CD8B2: variants seen among roughly 807,000 people sequenced by gnomAD.
CD8B2 encodes T-cell surface glycoprotein CD8 beta-2 chain.
A neutral mutation model predicts 23.7 loss-of-function variants in CD8B2; 11 were observed. The observed-to-expected ratio is 0.46, with a 90% confidence interval of 0.29 to 0.77. The LOEUF (loss-of-function observed/expected upper bound fraction) is 0.77, where lower values mean the gene tolerates loss of function less well. Among genes scored for constraint, CD8B2 ranks in the 30% least tolerant of loss-of-function variants. The pLI, the probability that CD8B2 is intolerant of heterozygous loss-of-function variation, is 0.09. For synonymous variants in CD8B2, 90 were observed against 109.3 expected (o/e 0.82, Z 1.10); for missense variants, 197 against 270.5 (o/e 0.73, Z 1.91).
chr2:106,490,562 T>C (rs1414207143), intron 1 of CD8B2, among the ~76,000 whole-genome samples: 2 of 152,190 alleles, frequency 1.3e-5, no homozygotes, highest in African/African-American at 4.8e-5. Flanking sequence ...AAAGCCAGTT[T>C]GAGGCTTGAT....
chr2:106,504,435 G>T, intron 5 of CD8B2, 110 bp downstream of exon 5: 1 of 1,539,540 alleles, frequency 6.5e-7, no homozygotes, highest in Non-Finnish European at 8.8e-7. Flanking sequence ...AAAGATCATA[G>T]ACTCGGCCGG....
intron 2 of CD8B2, among the ~76,000 whole-genome samples, chr2:106,494,313 A>G (rs1679255609): frequency 6.6e-6 from 1 of 151,720 alleles, no homozygotes; most frequent in African/African-American, 2.4e-5. Context: ...ACGCCCAACT[A>G]ATTTTTGTAT....
At chr2:106,536,088 G>A (rs1680084689) in intron 5 of CD8B2, among the ~76,000 whole-genome samples, 1 of 149,236 alleles carries the variant, frequency 6.7e-6, no homozygotes, top group South Asian at 2.1e-4. Flanking sequence ...AGGCTGGAGT[G>A]CAAGGGTGCA....
At chr2:106,489,981 A>T (rs1198522624) in intron 1 of CD8B2, among the ~76,000 whole-genome samples, 1 of 151,816 alleles carries the variant, frequency 6.6e-6, no homozygotes, top group Admixed American at 6.6e-5. Context: ...TTCTCGTCAG[A>T]GTCTAAGATG....
rs550024759 is a variant in CD8B2, at chr2:106,540,606, C to T, written c.621-3386C>T. Among the ~76,000 whole-genome samples, 7 of 152,126 alleles carry T rather than the reference C, an allele frequency of 4.6e-5. No individual in the cohort carries two copies. In the East Asian group the frequency reaches 1.4e-3, roughly 29 times the overall value. Reference sequence around the variant, plus strand: ...TTGAGATGGAGTCTTGTTCTGTCACCCAGGCTAGAGTGCAGTGACGCAATC... The same window carrying T: ...TTGAGATGGAGTCTTGTTCTGTCACTCAGGCTAGAGTGCAGTGACGCAATC... On this transcript the variant is annotated intron_variant, in intron 5 of 5. Coordinates refer to the CD8B2 transcript ENST00000416057.
Position 106,491,141 on chromosome 2 carries a change from C to A in CD8B2, c.311C>A (p.Thr104Lys). The change falls in exon 2 of 6, where the codon ACA (threonine) becomes AAA (lysine). Residue 104 changes from threonine to lysine, a missense_variant. Transcript: ENST00000643224. The stretch of plus-strand genomic sequence containing the variant: ...GCAAGCCGGTTCATTCTCAATCTCA[C>A]AAGCGTGAAGCCGGAGGACAGTGGC... ...RDASRFILNL[T>K]SVKPEDSGIY... is the part of the protein sequence containing the mutation. 1.2e-6 allele frequency: 2 copies of A among 1,613,772 alleles called. No individual in the cohort carries two copies. Among genetic ancestry groups the A allele is most frequent in the Non-Finnish European group, 1.7e-6 (2 of 1,179,780 alleles).
At chr2:106,533,102 A>C (rs1358978943) in intron 5 of CD8B2, among the ~76,000 whole-genome samples, 1 of 152,212 alleles carries the variant, frequency 6.6e-6, no homozygotes, top group Non-Finnish European at 1.5e-5. Context: ...TTGTTCTCCA[A>C]GATGTGAAGC....
rs1679568561 is a variant in CD8B2, at chr2:106,508,949, G to T, written c.*2009G>T. ...CTTAGATGCCCTGCCCCCAGACCCA[G>T]GTGTTTTCCGTTTGCTCCAGCTTTG... On this transcript the variant is annotated 3_prime_UTR_variant, in exon 6 of 6. Transcript: ENST00000643224. The T allele has an allele frequency of 1.0e-5, 1 of 95,764 alleles. No individual in the cohort carries two copies. The highest frequency in any genetic ancestry group is 1.1e-4 in the Admixed American group (1 of 8,830). 5.9% of individuals were successfully genotyped at this position (95,764 alleles called of 1,614,324 possible).
intron 1 of CD8B2, among the ~76,000 whole-genome samples, chr2:106,488,561 T>G (rs1679127497): frequency 6.6e-6 from 1 of 152,160 alleles, no homozygotes; most frequent in Admixed American, 6.5e-5. Flanking sequence ...CCTGTGTACT[T>G]GCAGCCCCAC....
chr2:106,514,571 G>A (rs1180602716), downstream of CD8B2, among the ~76,000 whole-genome samples: 1 of 151,774 alleles, frequency 6.6e-6, no homozygotes, highest in Non-Finnish European at 1.5e-5. Context: ...TCAGGCGTGA[G>A]CCACTGTGCC....
At chr2:106,531,651 G>T (rs1239493423) in intron 5 of CD8B2, among the ~76,000 whole-genome samples, 1 of 152,162 alleles carries the variant, frequency 6.6e-6, no homozygotes, top group Non-Finnish European at 1.5e-5. Context: ...GATTGCCCCA[G>T]CTACTTTCCC....
intron 1 of CD8B2, among the ~76,000 whole-genome samples, chr2:106,488,764 C>A (rs1679131903): frequency 6.6e-6 from 1 of 152,238 alleles, no homozygotes; most frequent in East Asian, 1.9e-4. Flanking sequence ...CAGTATCTCC[C>A]CCACAGGATT....
chr2:106,532,565 T>G (rs1680004736), intron 5 of CD8B2, among the ~76,000 whole-genome samples: 2 of 152,344 alleles, frequency 1.3e-5, no homozygotes, highest in South Asian at 2.1e-4. Context: ...TTGCCCATTT[T>G]TATGGTTATT....
chr2:106,518,393 G>A (rs1297699169), intron 5 of CD8B2, among the ~76,000 whole-genome samples: 2 of 152,098 alleles, frequency 1.3e-5, no homozygotes, highest in African/African-American at 4.8e-5. Context: ...AGGAGCAATA[G>A]CTCAGCAATA....
At chr2:106,495,906 C>T (rs1679290296) in intron 2 of CD8B2, among the ~76,000 whole-genome samples, 1 of 152,138 alleles carries the variant, frequency 6.6e-6, no homozygotes, top group South Asian at 2.1e-4. Context: ...TCAGGTGATC[C>T]TCTCACCTCA....
chr2:106,505,344 G>A (rs1010968906), intron 5 of CD8B2, among the ~76,000 whole-genome samples: 5 of 152,144 alleles, frequency 3.3e-5, no homozygotes, highest in Non-Finnish European at 7.3e-5. Flanking sequence ...CCAGCTTTAG[G>A]TGGAGACAGG....
rs1398742373 is a variant in CD8B2, at chr2:106,510,200, G to A, written c.*3260G>A. On this transcript the variant is annotated 3_prime_UTR_variant, in exon 6 of 6. Coordinates refer to ENST00000643224, the MANE Select transcript of CD8B2 (RefSeq NM_001349727.2). The stretch of plus-strand genomic sequence containing the variant: ...TAGAAGTTAGGATACAGTTACCCTT[G>A]GTCCAGTGATGGTCATTAGGAGGGA... 1 of 152,172 alleles carries A rather than the reference G, an allele frequency of 6.6e-6. No homozygotes were observed. Among genetic ancestry groups the A allele is most frequent in the African/African-American group, 2.4e-5 (1 of 41,436 alleles). The allele number at this position is 152,172 out of a possible 1,614,324, so 9.4% of individuals were successfully genotyped here. A position where few individuals can be genotyped will look rare whatever the true frequency, so the allele number is the denominator to read the frequency against.
intron 5 of CD8B2, among the ~76,000 whole-genome samples, chr2:106,520,758 T>C (rs911420672): frequency 6.6e-6 from 1 of 152,036 alleles, no homozygotes; most frequent in Non-Finnish European, 1.5e-5. Flanking sequence ...TAATCCCAGC[T>C]ACTCGGGAGG....
chr2:106,536,334 C>A (rs1349719807), intron 5 of CD8B2, among the ~76,000 whole-genome samples: 1 of 152,092 alleles, frequency 6.6e-6, no homozygotes, highest in Non-Finnish European at 1.5e-5. Context: ...GCCTGGCCAC[C>A]ACACACTTTT....
Sources: allele counts gnomAD v4.1 joint callset (sites outside exome capture counted in the v4.1 genomes callset), GRCh38; gene constraint gnomAD v4.1.1; transcripts MANE v1.5; gene names NCBI Gene and HGNC (gene_info 2026-07-23, HGNC 2026-07-21).